BRD8: variants seen among roughly 807,000 people sequenced by gnomAD.
The protein encoded by BRD8 is bromodomain containing 8, also known as bromodomain-containing protein 8.
BRD8 carries 67 observed loss-of-function variants against 143.1 expected under a neutral mutation model. The observed-to-expected ratio is 0.47, with a 90% CI of 0.38 to 0.57. The LOEUF is 0.57. BRD8 is among the 20% of genes least tolerant of loss of function. BRD8 has a pLI of 0.00. For missense variants in BRD8, 1,103 were observed against 1,503.0 expected (o/e 0.73, Z 4.40); for synonymous variants, 505 against 517.1 (o/e 0.98, Z 0.32).
chr5:138,156,188 G>A (rs1451333912), intron 20 of BRD8, among the ~76,000 whole-genome samples: 1 of 150,502 alleles, frequency 6.6e-6, no homozygotes, highest in Non-Finnish European at 1.5e-5. Context: ...TGCCCAGGCT[G>A]GAGTGCAGTG....
At position 138,150,979 on chromosome 5, in the gene BRD8, G is replaced by T; in HGVS notation, c.2886C>A (p.Ile962=). ...AGCCTTCACTTGATTCGTTGCTGCT[G>T]ATGCACAAGGGCTCCATTAAATAAG... ...EVAYLMEPLC[I]SSNESSEGCC... is the part of the protein sequence containing the mutation. Residue 962 remains isoleucine (I), a synonymous_variant, in exon 22 of 27, where the codon ATC becomes ATA. Coordinates refer to ENST00000254900, the MANE Select transcript of BRD8 (RefSeq NM_139199.2). 1 of 1,613,560 alleles carries T rather than the reference G, an allele frequency of 6.2e-7. No individual in the cohort carries two copies. Among genetic ancestry groups the T allele is most frequent in the Non-Finnish European group, 8.5e-7 (1 of 1,179,994 alleles).
chr5:138,161,239 A>G, intron 17 of BRD8, 171 bp from the exon 18 acceptor site: 1 of 529,558 alleles, frequency 1.9e-6, no homozygotes, highest in Non-Finnish European at 3.3e-6. Flanking sequence ...GAAACAATCT[A>G]TATAATAAGC....
chr5:138,164,589 G>A lies in BRD8; in HGVS notation c.1731+125C>T, dbSNP rs79810131. ...ATATATAACACTAATCACAGCCTAT[G>A]GGCTTTGGACACATCAAACATGTCA... On this transcript the variant is annotated intron_variant, in intron 12 of 26. Transcript: ENST00000254900. 9.1e-4 allele frequency: 1,107 copies of A among 1,220,462 alleles called. 10 individuals are homozygous for A. In the African/African-American group the frequency reaches 0.016, roughly 17 times the overall value. 75.6% of individuals were successfully genotyped at this position (1,220,462 alleles called of 1,614,324 possible). A position where few individuals can be genotyped will look rare whatever the true frequency, so the allele number is the denominator to read the frequency against.
chr5:138,157,310 G>T (rs765326085), intron 20 of BRD8: 1 of 1,612,466 alleles, frequency 6.2e-7, no homozygotes, highest in Non-Finnish European at 8.5e-7. Flanking sequence ...GAGTTGGTCA[G>T]GAGACAAGAG....
intron 7 of BRD8, among the ~76,000 whole-genome samples, chr5:138,170,108 C>T (rs1753749167): frequency 6.6e-6 from 1 of 152,172 alleles, no homozygotes; most frequent in Non-Finnish European, 1.5e-5. Flanking sequence ...ACATTATGTT[C>T]AATATCTCAT....
At chr5:138,169,883 C>T (rs1181807300) in intron 7 of BRD8, among the ~76,000 whole-genome samples, 2 of 152,146 alleles carry the variant, frequency 1.3e-5, no homozygotes, top group African/African-American at 2.4e-5. Context: ...CACTTGAACC[C>T]GCGAGGCGGA....
Position 138,160,137 on chromosome 5 carries a change from C to T in BRD8, c.2464G>A (p.Glu822Lys). The T allele has an allele frequency of 3.7e-6, 6 of 1,614,094 alleles. No individual in the cohort carries two copies. Among genetic ancestry groups the T allele is most frequent in the South Asian group, 1.1e-5 (1 of 91,078 alleles). Residue 822 changes from glutamate (E) to lysine (K), a missense_variant, in exon 19 of 27, where the codon GAG becomes AAG. By Grantham distance (56) the Glu-to-Lys change is moderately conservative. Coordinates refer to ENST00000254900, the MANE Select transcript of BRD8 (RefSeq NM_139199.2). ...AGACTTTTAGCACTGATCCCAGACT[C>T]GGATGTTTGCATAATCAACTGCGTG... ...LATQLIMQTS[E>K]SGISAKSLRG... is the part of the protein sequence containing the mutation.
chr5:138,152,793 C>A (rs755191358), intron 20 of BRD8, 33 bp from the exon 21 acceptor site: 2 of 1,588,924 alleles, frequency 1.3e-6, no homozygotes, highest in African/African-American at 2.7e-5. Context: ...GCATTAAATT[C>A]ATTCAAATAA....
chr5:138,145,864 T>G lies in BRD8; in HGVS notation c.3293A>C (p.Gln1098Pro). 2 of 1,613,836 alleles carry G rather than the reference T, an allele frequency of 1.2e-6. No homozygotes were observed. The highest frequency in any genetic ancestry group is 1.7e-6 in the Non-Finnish European group (2 of 1,179,790). The change falls in exon 24 of 27, where the codon CAG becomes CCG. Residue 1098 changes from glutamine (Q) to proline (P), a missense_variant. This residue lies in a region of BRD8 where 369 missense variants were observed against 445.5 expected (regional missense o/e 0.83). Coordinates refer to ENST00000254900, the MANE Select transcript of BRD8 (RefSeq NM_139199.2). ...ATSSKLTDLSQDDPVQDHLLF... is the reference protein window; with the variant it reads ...ATSSKLTDLSPDDPVQDHLLF... Reference sequence around the variant, plus strand: ...CAAATGATCCTGAACAGGGTCATCCTGGCTTAGATCAGTCCTATGAGGATA... The same window carrying G: ...CAAATGATCCTGAACAGGGTCATCCGGGCTTAGATCAGTCCTATGAGGATA...
Position 138,145,192 on chromosome 5 carries a change from T to C in BRD8, c.3422A>G (p.Lys1141Arg). The C allele has an allele frequency of 6.2e-7, 1 of 1,613,858 alleles. No homozygotes were observed. The highest frequency in any genetic ancestry group is 8.5e-7 in the Non-Finnish European group (1 of 1,179,940). ...TTTCACTGACCTTTTCACCACATCCTTGTACCCTGGGGCCTGCCTTTCTGA... is the reference window on the plus strand; with the variant it reads ...TTTCACTGACCTTTTCACCACATCCCTGTACCCTGGGGCCTGCCTTTCTGA... ...PVSERQAPGY[K>R]DVVKRPMDLT... Residue 1141 changes from lysine (K) to arginine (R), a missense_variant, in exon 25 of 27, where the codon AAG (lysine) becomes AGG (arginine). Transcript: ENST00000254900.
rs1753756859 is a variant in BRD8 at position 138,170,256 on chromosome 5, T to C, written c.505+89A>G. On this transcript the variant is annotated intron_variant, in intron 7 of 26. Coordinates refer to ENST00000254900, the MANE Select transcript of BRD8 (RefSeq NM_139199.2). The stretch of plus-strand genomic sequence containing the variant: ...AAAACTGCAAGTAAATTTAAATCAA[T>C]GTATTCTATGTTACAAAACAGTCCA... The C allele has an allele frequency of 4.4e-6, 4 of 917,878 alleles. No individual in the cohort carries two copies. The East Asian group carries it at 9.6e-5, about 22-fold the overall frequency. 56.9% of individuals were successfully genotyped at this position (917,878 alleles called of 1,614,324 possible). A position where few individuals can be genotyped will look rare whatever the true frequency, so the allele number is the denominator to read the frequency against.
rs769644808 is a variant in BRD8 at position 138,165,837 on chromosome 5, A to C, written c.1269T>G (p.Ile423Met). 1 of 1,613,590 alleles carries C rather than the reference A, an allele frequency of 6.2e-7. No homozygotes were observed. Among genetic ancestry groups the C allele is most frequent in the Non-Finnish European group, 8.5e-7 (1 of 1,179,632 alleles). Reference protein sequence around the residue: ...FETVGDIIAIIEDKVDDHPEV... With the variant: ...FETVGDIIAIMEDKVDDHPEV... ...TTCGCTGAATAGTTACCTTGTCCTCAATGATGGCAATGATGTCTCCAACAG... is the reference window on the plus strand; with the variant it reads ...TTCGCTGAATAGTTACCTTGTCCTCCATGATGGCAATGATGTCTCCAACAG... Residue 423 changes from isoleucine to methionine, a missense_variant, in exon 11 of 27, where the codon ATT becomes ATG. By Grantham distance (10) the Ile-to-Met change is conservative. This residue lies in a region of BRD8 where 53 missense variants were observed against 101.4 expected (regional missense o/e 0.52). Transcript: ENST00000254900.
rs1173843104 is a variant in BRD8 at position 138,164,856 on chromosome 5, G to C, written c.1589C>G (p.Pro530Arg). ...TTCTGGTGGCTCCATACTTGTGGCT[G>C]GAACAACTCCAGCTACTATTTCGGC... is the stretch of plus-strand genomic sequence containing the variant. ...SGAEIVAGVVPATSMEPPELR... is the reference protein window; with the variant it reads ...SGAEIVAGVVRATSMEPPELR... The change falls in exon 12 of 27, where the codon CCA becomes CGA. Residue 530 changes from proline (P) to arginine (R), a missense_variant. Physicochemically the swap from Pro to Arg is moderately radical, Grantham distance 103 (BLOSUM62 -2). Around this residue, in one of 7 missense-constraint regions of BRD8, gnomAD observed 139 missense variants for 139.0 expected, o/e 1.00. Transcript: ENST00000254900. 1 of 1,614,190 alleles carries C rather than the reference G, an allele frequency of 6.2e-7. No individual in the cohort carries two copies. Among genetic ancestry groups the C allele is most frequent in the South Asian group, 1.1e-5 (1 of 91,084 alleles).
intron 8 of BRD8, among the ~76,000 whole-genome samples, chr5:138,168,893 T>A (rs1276037954): frequency 6.6e-6 from 1 of 152,148 alleles, no homozygotes; most frequent in African/African-American, 2.4e-5. Context: ...GACTCAACCA[T>A]CCCACCCAAC....
chr5:138,148,190 G>C (rs532107202), intron 23 of BRD8, among the ~76,000 whole-genome samples: 1 of 147,042 alleles, frequency 6.8e-6, no homozygotes, highest in African/African-American at 2.5e-5. Context: ...AAAAAAAAGG[G>C]AAAAAAAAAG....
chr5:138,154,957 G>A (rs538893634), intron 20 of BRD8, among the ~76,000 whole-genome samples: 4 of 151,238 alleles, frequency 2.6e-5, no homozygotes, highest in Admixed American at 2.0e-4. Context: ...AGCCTCCCGC[G>A]TAACTGGGAT....
intron 2 of BRD8, among the ~76,000 whole-genome samples, chr5:138,174,342 C>T (rs1463500725): frequency 6.6e-6 from 1 of 152,110 alleles, no homozygotes; most frequent in Non-Finnish European, 1.5e-5. Flanking sequence ...TGCCTGTAAT[C>T]CCGGCACTTT....
chr5:138,153,307 C>G lies in BRD8; in HGVS notation c.2578-547G>C, dbSNP rs147703794. The stretch of plus-strand genomic sequence containing the variant: ...AGCTTAAAATATATCTTCCCTTGCT[C>G]TCATTACACCACTATCTTGGTTTTT... On this transcript the variant is annotated intron_variant, in intron 20 of 26. Coordinates refer to ENST00000254900, the MANE Select transcript of BRD8 (RefSeq NM_139199.2). 3.7e-3 allele frequency among the ~76,000 whole-genome samples: 565 copies of G among 152,262 alleles called. 3 individuals carry two copies. Among genetic ancestry groups the G allele is most frequent in the African/African-American group, 0.013 (537 of 41,522 alleles).
chr5:138,171,415 T>TAAAAAAA lies in BRD8; in HGVS notation c.187-12_187-6dup. ...CGAGTACTGGGAAGCACAATGCTAT[T>TAAAAAAA]AAAAAAAAAAAAAAAAGTGAAAATG... On this transcript the variant is annotated splice_polypyrimidine_tract_variant and splice_region_variant and intron_variant, in intron 3 of 26. Coordinates refer to ENST00000254900, the MANE Select transcript of BRD8 (RefSeq NM_139199.2). 1.5e-6 allele frequency: 2 copies of TAAAAAAA among 1,346,184 alleles called. No individual in the cohort carries two copies. The highest frequency in any genetic ancestry group is 1.5e-5 in the African/African-American group (1 of 64,526). 83.4% of individuals were successfully genotyped at this position (1,346,184 alleles called of 1,614,324 possible).
Sources: gnomAD v4.1 joint callset for allele counts (sites outside exome capture counted in the v4.1 genomes callset) on GRCh38, gnomAD v4.1.1 for gene constraint, gnomAD v4.1.1 regional missense constraint, MANE v1.5 for transcripts, NCBI Gene and HGNC (gene_info 2026-07-23, HGNC 2026-07-21) for gene names.